PRKCZ: variants seen among roughly 807,000 people sequenced by gnomAD.
PRKCZ encodes the protein protein kinase C zeta type.
PRKCZ carries 33 observed loss-of-function variants against 79.5 expected under a neutral mutation model. That is an observed-to-expected ratio of 0.41 (90% confidence interval 0.31 to 0.55). PRKCZ has a LOEUF of 0.55. PRKCZ is among the 20% of genes least tolerant of loss of function. The probability of loss-of-function intolerance (pLI) is 0.19; values close to 1 mark genes in which losing one functional copy is unlikely to be tolerated. For missense variants in PRKCZ, 578 were observed against 813.5 expected (o/e 0.71, Z 3.52); for synonymous variants, 342 against 320.9 (o/e 1.07, Z -0.70).
chr1:2,065,848 A>C (rs963037546), intron 4 of PRKCZ, among the ~76,000 whole-genome samples: 2 of 151,974 alleles, frequency 1.3e-5, no homozygotes, highest in Non-Finnish European at 2.9e-5. Context: ...CAAGTTTGTC[A>C]ATTGTTTTTA....
Position 2,185,179 on chromosome 1 carries a change from C to T in PRKCZ, c.*170C>T, listed in dbSNP as rs1687393441. 1.2e-5 allele frequency: 9 copies of T among 726,742 alleles called. No individual in the cohort carries two copies. In the Admixed American group the frequency reaches 1.8e-4, roughly 15 times the overall value. The allele number at this position is 726,742 out of a possible 1,614,324, so 45.0% of individuals were successfully genotyped here. On this transcript the variant is annotated 3_prime_UTR_variant, in exon 18 of 18. Coordinates refer to ENST00000378567, the MANE Select transcript of PRKCZ (RefSeq NM_002744.6). ...CGGGCGCTGCTGGGAGCAGAACAGT[C>T]CCTCACACCTGGGCCCGGGCAGGCC...
At chr1:2,066,617 C>T (rs535560216) in intron 4 of PRKCZ, among the ~76,000 whole-genome samples, 15 of 152,318 alleles carry the variant, frequency 9.8e-5, no homozygotes, top group African/African-American at 2.4e-4. Context: ...GTAGGGATTT[C>T]GGGCATGAGC....
At chr1:2,175,380 T>TCCCAACCCCAAACCCAATATCCA in intron 16 of PRKCZ, 67 bp downstream of exon 16, 1 of 1,138,012 alleles carries the variant, frequency 8.8e-7, no homozygotes, top group East Asian at 3.2e-5. Flanking sequence ...CCAACCCCCA[T>TCCCAACCCCAAACCCAATATCCA]CCCAACCCCA....
intron 4 of PRKCZ, among the ~76,000 whole-genome samples, chr1:2,121,003 G>A (rs1052029157): frequency 5.3e-5 from 8 of 151,848 alleles, no homozygotes; most frequent in Non-Finnish European, 8.8e-5. Flanking sequence ...TATTAGAGAC[G>A]GGGTTTTGCC....
chr1:2,049,219 G>C (rs1407777204), upstream of PRKCZ: 1 of 152,566 alleles, frequency 6.6e-6, no homozygotes, highest in African/African-American at 2.4e-5. Flanking sequence ...CCGACGGCTT[G>C]TATTTAAAAC....
At chr1:2,124,979 C>G (rs945224239) in intron 4 of PRKCZ, among the ~76,000 whole-genome samples, 1 of 152,222 alleles carries the variant, frequency 6.6e-6, no homozygotes, top group Non-Finnish European at 1.5e-5. Context: ...CCTCGCAGCT[C>G]AGTTCCTGGT....
chr1:2,160,238 C>CGTGTGT (rs56068331), intron 10 of PRKCZ, among the ~76,000 whole-genome samples: 3,228 of 146,440 alleles, frequency 0.022, 74 homozygotes, highest in African/African-American at 0.05. Context: ...CAGCAGTGTG[C>CGTGTGT]GTGTGTGTGT....
intron 10 of PRKCZ, among the ~76,000 whole-genome samples, chr1:2,164,624 A>G (rs1250307416): frequency 3.3e-5 from 5 of 152,356 alleles, no homozygotes; most frequent in African/African-American, 9.6e-5. Flanking sequence ...GAGGCAGCCT[A>G]AAACCATGAG....
At chr1:2,073,812 G>A (rs964035930) in intron 4 of PRKCZ, 35 of 1,035,398 alleles carry the variant, frequency 3.4e-5, no homozygotes, top group South Asian at 3.6e-5. Flanking sequence ...CTATTGTCGG[G>A]GCCGGAGGCG....
chr1:2,091,744 C>T (rs1665536802), intron 4 of PRKCZ, among the ~76,000 whole-genome samples: 1 of 152,288 alleles, frequency 6.6e-6, no homozygotes, highest in South Asian at 2.1e-4. Context: ...GGTTGACCTG[C>T]ACGCACCGTG....
At chr1:2,100,507 T>C (rs1667259998) in intron 4 of PRKCZ, among the ~76,000 whole-genome samples, 1 of 152,230 alleles carries the variant, frequency 6.6e-6, no homozygotes, top group African/African-American at 2.4e-5. Context: ...AGGCACTGGC[T>C]CTCAGGGGCC....
intron 4 of PRKCZ, among the ~76,000 whole-genome samples, chr1:2,118,909 A>G (rs960112956): frequency 6.6e-6 from 1 of 152,126 alleles, no homozygotes; most frequent in Non-Finnish European, 1.5e-5. Flanking sequence ...TAAATGAAAG[A>G]TTTAGTCCGT....
At chr1:2,110,487 C>T (rs554864873) in intron 4 of PRKCZ, among the ~76,000 whole-genome samples, 9 of 152,280 alleles carry the variant, frequency 5.9e-5, no homozygotes, top group African/African-American at 2.2e-4. Flanking sequence ...TCCTCTGGTA[C>T]CAGGGTCCCC....
chr1:2,135,811 C>T (rs533615546), intron 5 of PRKCZ, among the ~76,000 whole-genome samples: 2 of 152,250 alleles, frequency 1.3e-5, no homozygotes, highest in Admixed American at 6.5e-5. Context: ...CGGCCACCCA[C>T]GGGGGCCCTT....
chr1:2,140,480 C>T lies in PRKCZ; in HGVS notation c.421-3730C>T, dbSNP rs571534609. On this transcript the variant is annotated intron_variant, in intron 5 of 17. Transcript: ENST00000378567. ...CCAGCCTGGTCAACATAGTGAAACA[C>T]TGTCTCTACTAAAAATACAACAAAA... Among the ~76,000 whole-genome samples, 343 of 151,796 alleles carry T rather than the reference C, an allele frequency of 2.3e-3. 1 individual carries two copies. The highest frequency in any genetic ancestry group is 7.9e-3 in the African/African-American group (325 of 41,368).
intron 16 of PRKCZ, among the ~76,000 whole-genome samples, chr1:2,180,334 C>T (rs1288835061): frequency 2.0e-5 from 3 of 152,204 alleles, no homozygotes; most frequent in Non-Finnish European, 4.4e-5. Context: ...AACTCAGATG[C>T]ACAGACGCCC....
At position 2,168,632 on chromosome 1, in the gene PRKCZ, C is replaced by T. The variant is rs955175158; in HGVS notation, c.975-886C>T. Among the ~76,000 whole-genome samples the T allele has an allele frequency of 6.6e-6, 1 of 152,136 alleles. No individual in the cohort carries two copies. Among genetic ancestry groups the T allele is most frequent in the African/African-American group, 2.4e-5 (1 of 41,424 alleles). ...TGGAGGGCAGGAGCAGGGACAGGTG[C>T]CTTGAGGCGTAACAGTGGCGGTGGT... On this transcript the variant is annotated intron_variant, in intron 10 of 17. Coordinates refer to ENST00000378567, the MANE Select transcript of PRKCZ (RefSeq NM_002744.6). The surrounding 1 kb of genome is among the most constrained non-coding windows in gnomAD (Gnocchi z 4.7).
chr1:2,124,259 A>G (rs377027871), intron 4 of PRKCZ, among the ~76,000 whole-genome samples: 1 of 136,350 alleles, frequency 7.3e-6, no homozygotes, highest in African/African-American at 2.6e-5. Flanking sequence ...GGTTAGGGTC[A>G]TGGCGGTAGT....
intron 10 of PRKCZ, among the ~76,000 whole-genome samples, chr1:2,164,177 C>G (rs745683762): frequency 2.1e-4 from 32 of 152,144 alleles, no homozygotes; most frequent in Non-Finnish European, 4.6e-4. Flanking sequence ...TTAGAATCTT[C>G]AGGACACAGA....
Sources: allele counts gnomAD v4.1 joint callset (sites outside exome capture counted in the v4.1 genomes callset), GRCh38; gene constraint gnomAD v4.1.1; non-coding constraint Gnocchi (gnomAD v3.1); transcripts MANE v1.5; gene names NCBI Gene and HGNC (gene_info 2026-07-23, HGNC 2026-07-21).